The following ANOS1 variants were observed in gnomAD, a reference collection of about 807,000 sequenced individuals.
ANOS1 encodes the protein anosmin 1.
Under a neutral mutation model 59.0 loss-of-function variants are expected in ANOS1, and 6 were observed. The ratio of observed to expected loss-of-function variants is 0.10; its 90% CI spans 0.06 to 0.20. The LOEUF (loss-of-function observed/expected upper bound fraction) is 0.20, where lower values mean the gene tolerates loss of function less well. Among genes scored for constraint, ANOS1 ranks in the 10% least tolerant of loss-of-function variants. The probability of loss-of-function intolerance (pLI) is 1.00; values close to 1 mark genes in which losing one functional copy is unlikely to be tolerated. For synonymous variants in ANOS1, 217 were observed against 223.4 expected (o/e 0.97, Z 0.25); for missense variants, 433 against 542.3 (o/e 0.80, Z 2.00).
At chrX:8,725,569 TACATATATACAG>T (rs1932906202) in intron 1 of ANOS1, among the ~76,000 whole-genome samples, 2 of 47,037 alleles carry the variant, frequency 4.3e-5, no homozygotes, top group African/African-American at 7.6e-5. Flanking sequence ...TATACAGATA[TACATATATACAG>T]ATATATATAT....
intron 2 of ANOS1, among the ~76,000 whole-genome samples, chrX:8,668,508 C>CAT (rs1374283998): frequency 2.8e-5 from 2 of 72,406 alleles, no homozygotes; most frequent in Admixed American, 1.7e-4. Flanking sequence ...GGTATTCCAT[C>CAT]ATATATATAT....
At chrX:8,692,989 G>A (rs191377840) in intron 2 of ANOS1, among the ~76,000 whole-genome samples, 31 of 112,333 alleles carry the variant, frequency 2.8e-4, no homozygotes, top group Admixed American at 2.6e-3. Flanking sequence ...TCCTCTACCA[G>A]AAAAAGCCAC....
chrX:8,721,067 G>A (rs1311479051), intron 1 of ANOS1, among the ~76,000 whole-genome samples: 1 of 111,805 alleles, frequency 8.9e-6, no homozygotes, highest in African/African-American at 3.3e-5. Flanking sequence ...GAATGAATTG[G>A]GTGGGTACGT....
chrX:8,681,314 A>G (rs1932422012), intron 2 of ANOS1, among the ~76,000 whole-genome samples: 1 of 112,315 alleles, frequency 8.9e-6, no homozygotes, highest in South Asian at 3.7e-4. Context: ...GCAAGGGTAA[A>G]AGGAAAGCTT....
chrX:8,624,741 T>A (rs1324361201), intron 2 of ANOS1, among the ~76,000 whole-genome samples: 3 of 110,850 alleles, frequency 2.7e-5, no homozygotes, highest in Non-Finnish European at 3.8e-5. Flanking sequence ...AAACAAATTA[T>A]ATGCACATAT....
chrX:8,681,948 T>C (rs1932431635), intron 2 of ANOS1, among the ~76,000 whole-genome samples: 1 of 111,029 alleles, frequency 9.0e-6, no homozygotes, highest in Non-Finnish European at 1.9e-5. Flanking sequence ...GATAAGGAAG[T>C]GAAAGAATCA....
At chrX:8,549,948 A>G (rs1167200821) in intron 9 of ANOS1, among the ~76,000 whole-genome samples, 1 of 112,118 alleles carries the variant, frequency 8.9e-6, no homozygotes, top group Admixed American at 9.5e-5. Context: ...CTTAAACATC[A>G]TGCCTAATAG....
chrX:8,664,222 A>G (rs1273951832), intron 2 of ANOS1, among the ~76,000 whole-genome samples: 5 of 111,482 alleles, frequency 4.5e-5, no homozygotes, highest in East Asian at 5.7e-4. Context: ...ATGGAGTCTC[A>G]CTCTGTCGCC....
At chrX:8,621,940 A>T (rs746635167) in intron 3 of ANOS1, among the ~76,000 whole-genome samples, 40 of 112,239 alleles carry the variant, frequency 3.6e-4, no homozygotes, top group African/African-American at 1.2e-3. Flanking sequence ...AGATATTTTT[A>T]AAATAGTTAA....
At chrX:8,657,340 T>C (rs1931948919) in intron 2 of ANOS1, among the ~76,000 whole-genome samples, 1 of 112,125 alleles carries the variant, frequency 8.9e-6, no homozygotes, top group Non-Finnish European at 1.9e-5. Context: ...CTTAGCATAA[T>C]AGCCTGCAGT....
chrX:8,707,004 G>A (rs1284412022), intron 1 of ANOS1, among the ~76,000 whole-genome samples: 2 of 111,303 alleles, frequency 1.8e-5, no homozygotes, highest in Admixed American at 9.6e-5. Flanking sequence ...TGACCCCCAC[G>A]CCCTGACTTC....
chrX:8,626,860 CAAA>C (rs745349086), intron 2 of ANOS1, among the ~76,000 whole-genome samples: 4 of 59,843 alleles, frequency 6.7e-5, no homozygotes, highest in Non-Finnish European at 3.3e-5. Flanking sequence ...TACTCCGTCT[CAAA>C]AAAAAAAAAA....
At chrX:8,686,323 C>A (rs1932521558) in intron 2 of ANOS1, among the ~76,000 whole-genome samples, 1 of 111,567 alleles carries the variant, frequency 9.0e-6, no homozygotes, top group Non-Finnish European at 1.9e-5. Context: ...TTATCTATGG[C>A]CTTTCTCACT....
chrX:8,574,396 A>G (rs1930286180), intron 6 of ANOS1, among the ~76,000 whole-genome samples: 1 of 110,921 alleles, frequency 9.0e-6, no homozygotes, highest in Non-Finnish European at 1.9e-5. Flanking sequence ...TTGAGTGTCA[A>G]CTTGATTGGA....
rs752084195 is a variant in ANOS1 at position 8,695,079 on chromosome X, A to AG, written c.255+4618dup. On this transcript the variant is annotated intron_variant, in intron 2 of 13. Transcript: ENST00000262648. Reference sequence around the variant, plus strand: ...GTAATCCCAGCATTTTGGGAGGCTGAGGGGGGCAGATCACTTGAGGCCAGG... The same window carrying AG: ...GTAATCCCAGCATTTTGGGAGGCTGAGGGGGGGCAGATCACTTGAGGCCAGG... Among the ~76,000 whole-genome samples the AG allele has an allele frequency of 3.6e-5, 4 of 111,706 alleles. No homozygotes were observed. In the South Asian group the frequency reaches 1.5e-3, roughly 42 times the overall value.
intron 2 of ANOS1, among the ~76,000 whole-genome samples, chrX:8,645,350 G>A (rs756716041): frequency 8.9e-6 from 1 of 111,954 alleles, no homozygotes; most frequent in South Asian, 3.8e-4. Flanking sequence ...TCGGCAGAAT[G>A]TGAATTGACA....
chrX:8,663,568 A>C (rs1932076947), intron 2 of ANOS1, among the ~76,000 whole-genome samples: 1 of 111,913 alleles, frequency 8.9e-6, no homozygotes, highest in Admixed American at 9.5e-5. Context: ...AAACTGGCTG[A>C]AATCAGTTGG....
chrX:8,620,943 C>T lies in ANOS1; in HGVS notation c.318+2665G>A, dbSNP rs1282966185. Among the ~76,000 whole-genome samples, 3 of 112,102 alleles carry T rather than the reference C, an allele frequency of 2.7e-5. No individual in the cohort carries two copies. In the East Asian group the frequency reaches 8.4e-4, roughly 31 times the overall value. ...AACCTGCTCTTGAATTTGAAATTTA[C>T]AGGAAGAAAGGTTTCAAATGACCTT... On this transcript the variant is annotated intron_variant, in intron 3 of 13. Coordinates refer to ENST00000262648, the MANE Select transcript of ANOS1 (RefSeq NM_000216.4).
At chrX:8,692,159 T>C (rs1383025419) in intron 2 of ANOS1, among the ~76,000 whole-genome samples, 1 of 111,831 alleles carries the variant, frequency 8.9e-6, no homozygotes, top group Admixed American at 9.6e-5. Flanking sequence ...AGAATGGTTC[T>C]TTCATTTTCA....
Sources: gnomAD v4.1 joint callset for allele counts (sites outside exome capture counted in the v4.1 genomes callset) on GRCh38, gnomAD v4.1.1 for gene constraint, MANE v1.5 for transcripts, NCBI Gene and HGNC (gene_info 2026-07-23, HGNC 2026-07-21) for gene names.